CPNE4: variants seen among roughly 807,000 people sequenced by gnomAD.
CPNE4 encodes the protein copine 4.
In CPNE4, 25 loss-of-function variants were observed where a neutral mutation model predicts 67.9. The ratio of observed to expected loss-of-function variants is 0.37; its 90% CI spans 0.27 to 0.51. CPNE4 has a LOEUF of 0.51. Ranked by LOEUF, CPNE4 falls within the 20% of genes least tolerant of loss-of-function variation. The pLI is 0.93. For missense variants in CPNE4, 464 were observed against 690.8 expected, an observed-to-expected ratio of 0.67 and a Z score of 3.68; for synonymous variants, 242 against 244.9, an observed-to-expected ratio of 0.99 and a Z score of 0.11.
Position 131,737,115 on chromosome 3 carries a change from C to CTTTTTTTTTTTTTTTTTTTTTTTTT in CPNE4, c.181-13515_181-13491dup, listed in dbSNP as rs71788145. ...TGCCTCTTTTTATGAAGTATTGTGT[C>CTTTTTTTTTTTTTTTTTTTTTTTTT]TTTTTTTTTTTTTTTTTTTTTTTTT... On this transcript the variant is annotated intron_variant, in intron 2 of 15. Transcript: ENST00000429747. Among the ~76,000 whole-genome samples the CTTTTTTTTTTTTTTTTTTTTTTTTT allele has an allele frequency of 1.0e-3, 50 of 49,398 alleles. 6 individuals are homozygous for CTTTTTTTTTTTTTTTTTTTTTTTTT. The highest frequency in any genetic ancestry group is 5.2e-3 in the East Asian group (6 of 1,156). The allele number at this position is 49,398 out of a possible 152,430, so 32.4% of individuals were successfully genotyped here. A position where few individuals can be genotyped will look rare whatever the true frequency, so the allele number is the denominator to read the frequency against.
In CPNE4 at chr3:131,835,840, G is replaced by T. The variant is rs2085536317; in HGVS notation, c.180+69424C>A. ...TCCCCAAGCATGGCTGCTGCAGATA[G>T]AGTAGAGTGGAGCTCTGTAGAACTA... On this transcript the variant is annotated intron_variant, in intron 2 of 15. Transcript: ENST00000429747. Among the ~76,000 whole-genome samples the T allele has an allele frequency of 4.6e-5, 7 of 152,254 alleles. No homozygotes were observed. In the South Asian group the frequency reaches 1.2e-3, roughly 27 times the overall value.
intron 7 of CPNE4, among the ~76,000 whole-genome samples, chr3:131,633,728 T>C (rs1243000596): frequency 6.6e-6 from 1 of 151,570 alleles, no homozygotes; most frequent in Non-Finnish European, 1.5e-5. Context: ...GAAGAAAGGC[T>C]AAAAATTGAT....
At chr3:132,038,354 C>T (rs1407169279), upstream of CPNE4, among the ~76,000 whole-genome samples, 2 of 151,884 alleles carry the variant, frequency 1.3e-5, no homozygotes, top group Non-Finnish European at 2.9e-5. Context: ...TTTATGAGAA[C>T]CCTATACCAC....
chr3:131,938,592 C>A (rs1458836428), intron 1 of CPNE4, among the ~76,000 whole-genome samples: 1 of 151,920 alleles, frequency 6.6e-6, no homozygotes, highest in African/African-American at 2.4e-5. Flanking sequence ...TGGCAGAATG[C>A]AAAGGGGAAG....
chr3:131,540,958 TA>T (rs1264582494), intron 15 of CPNE4, among the ~76,000 whole-genome samples: 1 of 152,156 alleles, frequency 6.6e-6, no homozygotes, highest in East Asian at 1.9e-4. Flanking sequence ...AGACCACAGA[TA>T]AGCTTCACGG....
chr3:131,575,987 A>C (rs1937539126), intron 9 of CPNE4, among the ~76,000 whole-genome samples: 1 of 152,066 alleles, frequency 6.6e-6, no homozygotes, highest in African/African-American at 2.4e-5. Flanking sequence ...TCGTTTATTC[A>C]ACAATTATTT....
At chr3:132,034,333 C>G (rs866484711) in intron 1 of CPNE4, among the ~76,000 whole-genome samples, 61 of 152,322 alleles carry the variant, frequency 4.0e-4, no homozygotes, top group South Asian at 1.5e-3. Flanking sequence ...CGCCCCACCC[C>G]ACCTGGGCGA....
rs138352935 is a variant in CPNE4, at chr3:131,824,953, A to G, written c.180+80311T>C. 1.6e-3 allele frequency among the ~76,000 whole-genome samples: 245 copies of G among 152,254 alleles called. 11 individuals carry two copies. The East Asian group carries it at 0.046, about 28-fold the overall frequency. On this transcript the variant is annotated intron_variant, in intron 2 of 15. Coordinates refer to ENST00000429747, the MANE Select transcript of CPNE4 (RefSeq NM_130808.3). ...AAGTGGGACCTCTAGTCCTGTTCTC[A>G]TAAAATGTGATACTTGAACTTCCAC...
At chr3:131,654,572 C>T (rs1252815308) in intron 7 of CPNE4, among the ~76,000 whole-genome samples, 1 of 152,148 alleles carries the variant, frequency 6.6e-6, no homozygotes, top group East Asian at 1.9e-4. Context: ...CCAAACATCT[C>T]CCAGGAGAAG....
chr3:131,632,106 C>T (rs113912076), intron 7 of CPNE4, among the ~76,000 whole-genome samples: 9,040 of 150,936 alleles, frequency 0.06, 730 homozygotes, highest in African/African-American at 0.18. Context: ...GCCTCCTGGG[C>T]GCAAGTGATT....
At chr3:131,833,598 C>T (rs1428101635) in intron 2 of CPNE4, among the ~76,000 whole-genome samples, 1 of 152,162 alleles carries the variant, frequency 6.6e-6, no homozygotes, top group East Asian at 1.9e-4. Flanking sequence ...GGTCAGGGGG[C>T]TGAGGCAGGA....
At chr3:131,570,742 A>G (rs1393019687) in intron 10 of CPNE4, among the ~76,000 whole-genome samples, 3 of 152,020 alleles carry the variant, frequency 2.0e-5, no homozygotes, top group African/African-American at 4.8e-5. Context: ...TTGCATGCAA[A>G]ACTGGATGTG....
chr3:131,720,512 C>T (rs2081855519), intron 3 of CPNE4, among the ~76,000 whole-genome samples: 2 of 152,222 alleles, frequency 1.3e-5, no homozygotes, highest in Admixed American at 1.3e-4. Flanking sequence ...TCTCGATCTC[C>T]TGACCTTGTG....
At chr3:131,689,037 T>G (rs2080963463) in intron 5 of CPNE4, among the ~76,000 whole-genome samples, 1 of 152,190 alleles carries the variant, frequency 6.6e-6, no homozygotes, top group South Asian at 2.1e-4. Flanking sequence ...GAGGGCATAC[T>G]AAAATGTCAA....
intron 1 of CPNE4, among the ~76,000 whole-genome samples, chr3:131,933,683 T>C (rs534171558): frequency 1.3e-5 from 2 of 152,092 alleles, no homozygotes; most frequent in East Asian, 3.9e-4. Flanking sequence ...ATATACACAA[T>C]GGGATACTAT....
chr3:131,920,530 C>T lies in CPNE4; in HGVS notation c.-1-15086G>A, dbSNP rs142881505. On this transcript the variant is annotated intron_variant, in intron 1 of 15. Transcript: ENST00000429747. ...AAGGCAGGACAGACTGGAAGTGGAG[C>T]CTCCTAAATCAACTGATGACAGATA... Among the ~76,000 whole-genome samples, 1,422 of 152,158 alleles carry T rather than the reference C, an allele frequency of 9.3e-3. 15 individuals are homozygous for T. Among genetic ancestry groups the T allele is most frequent in the Non-Finnish European group, 0.012 (838 of 67,992 alleles).
chr3:132,008,603 A>C (rs749474796), intron 1 of CPNE4, among the ~76,000 whole-genome samples: 4 of 152,164 alleles, frequency 2.6e-5, no homozygotes, highest in Non-Finnish European at 5.9e-5. Flanking sequence ...ACATTTGTGC[A>C]CATGGGCATG....
chr3:131,547,587 G>T (rs570853694), intron 14 of CPNE4, among the ~76,000 whole-genome samples: 115 of 146,924 alleles, frequency 7.8e-4, no homozygotes, highest in African/African-American at 2.3e-3. Context: ...ACCTGGAAAA[G>T]ACTTGGCTTG....
intron 2 of CPNE4, among the ~76,000 whole-genome samples, chr3:131,752,943 A>G (rs1164936812): frequency 6.6e-6 from 1 of 152,052 alleles, no homozygotes; most frequent in Non-Finnish European, 1.5e-5. Flanking sequence ...CTACCCAAGA[A>G]AAATGTGAAA....
Sources: allele counts gnomAD v4.1 joint callset (sites outside exome capture counted in the v4.1 genomes callset), GRCh38; gene constraint gnomAD v4.1.1; transcripts MANE v1.5; gene names NCBI Gene and HGNC (gene_info 2026-07-23, HGNC 2026-07-21).